CD82: variants seen among roughly 807,000 people sequenced by gnomAD.
The protein encoded by CD82 is CD82 molecule.
CD82 carries 36 observed loss-of-function variants against 37.4 expected under a neutral mutation model. The observed-to-expected ratio is 0.96, with a 90% CI of 0.74 to 1.27. The LOEUF (loss-of-function observed/expected upper bound fraction) is 1.27. Among genes scored for constraint, CD82 ranks in the 50% most tolerant of loss-of-function variants. CD82 has a pLI of 0.00. For synonymous variants in CD82, 158 were observed against 137.4 expected (o/e 1.15, Z -1.05); for missense variants, 340 against 347.0 (o/e 0.98, Z 0.16).
intron 6 of CD82, among the ~76,000 whole-genome samples, chr11:44,610,718 A>G (rs560093823): frequency 2.0e-5 from 3 of 152,202 alleles, no homozygotes; most frequent in Admixed American, 2.0e-4. Flanking sequence ...TCTGAGCCTC[A>G]TTTTTCTCTT....
At chr11:44,601,193 A>G (rs527938271) in intron 4 of CD82, among the ~76,000 whole-genome samples, 2 of 152,242 alleles carry the variant, frequency 1.3e-5, no homozygotes, top group East Asian at 1.9e-4. Context: ...GCAGCTGCCC[A>G]AGGCAGCTGG....
At chr11:44,573,469 C>G (rs1852844462) in intron 1 of CD82, among the ~76,000 whole-genome samples, 1 of 152,114 alleles carries the variant, frequency 6.6e-6, no homozygotes, top group Non-Finnish European at 1.5e-5. Context: ...CCTTGAGTCA[C>G]CTTTGGACAT....
At chr11:44,577,979 A>G (rs1852922894) in intron 1 of CD82, among the ~76,000 whole-genome samples, 1 of 151,820 alleles carries the variant, frequency 6.6e-6, no homozygotes, top group Non-Finnish European at 1.5e-5. Flanking sequence ...CCAACTTGTG[A>G]CCCTCCCTGG....
chr11:44,617,347 T>C (rs981540149), intron 7 of CD82, among the ~76,000 whole-genome samples: 2 of 152,062 alleles, frequency 1.3e-5, no homozygotes, highest in South Asian at 4.2e-4. Flanking sequence ...TCACTTGAGG[T>C]CAGGAGGTCA....
chr11:44,596,369 G>T (rs920189660), intron 3 of CD82, among the ~76,000 whole-genome samples: 2 of 152,290 alleles, frequency 1.3e-5, no homozygotes, highest in Non-Finnish European at 2.9e-5. Flanking sequence ...ATCCCTGGGG[G>T]CTTTAGGGAC....
In CD82 at chr11:44,619,298, C is replaced by A. The variant is rs1590355322; in HGVS notation, c.*172C>A. Reference sequence around the variant, plus strand: ...CTAGCGATCTCTCCTGGCCTATCCGCTGCCAGCCTTGAGCCCTGGCTGTTC... The same window carrying A: ...CTAGCGATCTCTCCTGGCCTATCCGATGCCAGCCTTGAGCCCTGGCTGTTC... On this transcript the variant is annotated 3_prime_UTR_variant, in exon 10 of 10. Coordinates refer to ENST00000227155, the MANE Select transcript of CD82 (RefSeq NM_002231.4). 3.3e-6 allele frequency: 2 copies of A among 602,072 alleles called. No individual in the cohort carries two copies. Among genetic ancestry groups the A allele is most frequent in the Non-Finnish European group, 6.0e-6 (2 of 335,288 alleles). The allele number at this position is 602,072 out of a possible 1,614,324, so 37.3% of individuals were successfully genotyped here.
chr11:44,617,660 C>T (rs1853585281), intron 7 of CD82, among the ~76,000 whole-genome samples: 1 of 151,702 alleles, frequency 6.6e-6, no homozygotes, highest in Non-Finnish European at 1.5e-5. Context: ...CAAATCTCAA[C>T]TCCTGCACTA....
intron 1 of CD82, among the ~76,000 whole-genome samples, chr11:44,572,208 G>A (rs1852823552): frequency 6.6e-6 from 1 of 152,206 alleles, no homozygotes; most frequent in African/African-American, 2.4e-5. Context: ...TGCAGAGACT[G>A]AATGGCAGAG....
chr11:44,615,460 A>T, intron 7 of CD82, 87 bp downstream of exon 7: 1 of 812,324 alleles, frequency 1.2e-6, no homozygotes, highest in Non-Finnish European at 2.1e-6. Flanking sequence ...TGGGACTGGC[A>T]TCTGCAGTGC....
At position 44,619,746 on chromosome 11, in the gene CD82, A is replaced by T. The variant is rs1490545615; in HGVS notation, c.*620A>T. On this transcript the variant is annotated 3_prime_UTR_variant, in exon 10 of 10. Coordinates refer to ENST00000227155, the MANE Select transcript of CD82 (RefSeq NM_002231.4). ...GCTACTGCACTCCAGCCTGGGGGAC[A>T]GAAAGAGACTCCGTCTCAAAAAAAA... 1 of 142,258 alleles carries T rather than the reference A, an allele frequency of 7.0e-6. No individual in the cohort carries two copies. Among genetic ancestry groups the T allele is most frequent in the African/African-American group, 2.7e-5 (1 of 37,094 alleles). 8.8% of individuals were successfully genotyped at this position (142,258 alleles called of 1,614,324 possible).
rs1852932286 is a variant in CD82, at chr11:44,578,473, AC to A, written c.-102-8996del. Reference sequence around the variant, plus strand: ...CTCACCTCTGTCTGTACATCTATACACCCCCCTTCCAGCTCCATGTGGCCCA... The same window carrying A: ...CTCACCTCTGTCTGTACATCTATACACCCCCTTCCAGCTCCATGTGGCCCA... On this transcript the variant is annotated intron_variant, in intron 1 of 9. Coordinates refer to ENST00000227155, the MANE Select transcript of CD82 (RefSeq NM_002231.4). 2.0e-5 allele frequency among the ~76,000 whole-genome samples: 3 copies of A among 151,040 alleles called. No homozygotes were observed. The South Asian group carries it at 6.3e-4, about 32-fold the overall frequency.
In CD82 at chr11:44,618,666, G is replaced by C. The variant is rs1853606594; in HGVS notation, c.669G>C (p.Trp223Cys). The C allele has an allele frequency of 6.2e-7, 1 of 1,612,788 alleles. No homozygotes were observed. The highest frequency in any genetic ancestry group is 1.3e-5 in the African/African-American group (1 of 74,916). ...GCTGCATGGAGAAGGTGCAGGCGTGGCTGCAGGAGAACCTGGGCATCATCC... is the reference window on the plus strand; with the variant it reads ...GCTGCATGGAGAAGGTGCAGGCGTGCCTGCAGGAGAACCTGGGCATCATCC... Reference protein sequence around the residue: ...QEGCMEKVQAWLQENLGIILG... With the variant: ...QEGCMEKVQACLQENLGIILG... Residue 223 changes from tryptophan (W) to cysteine (C), a missense_variant, in exon 9 of 10, where the codon TGG (tryptophan) becomes TGC (cysteine). Transcript: ENST00000227155.
chr11:44,607,273 T>G (rs746256793), intron 6 of CD82, among the ~76,000 whole-genome samples: 2 of 152,244 alleles, frequency 1.3e-5, no homozygotes, highest in Non-Finnish European at 2.9e-5. Flanking sequence ...AGGGCTAACT[T>G]GGGCACTGAG....
intron 2 of CD82, among the ~76,000 whole-genome samples, chr11:44,591,479 C>T (rs1227578401): frequency 2.0e-5 from 3 of 152,236 alleles, no homozygotes; most frequent in Non-Finnish European, 4.4e-5. Context: ...TCCTTGCCCT[C>T]TGAGCAGAGC....
chr11:44,578,552 G>A (rs1183789870), intron 1 of CD82, among the ~76,000 whole-genome samples: 2 of 152,040 alleles, frequency 1.3e-5, no homozygotes, highest in African/African-American at 4.8e-5. Flanking sequence ...TGTGTGTTTT[G>A]CTACTCAAAC....
intron 6 of CD82, among the ~76,000 whole-genome samples, chr11:44,610,850 T>A (rs538874277): frequency 1.3e-5 from 2 of 152,298 alleles, no homozygotes; most frequent in African/African-American, 4.8e-5. Flanking sequence ...TTCTTTTCTT[T>A]TTGAGATAGA....
rs144854163 is a variant in CD82, at chr11:44,596,935, G to A, written c.63+2210G>A. 9.5e-3 allele frequency: 4,312 copies of A among 456,190 alleles called. 42 individuals are homozygous for A. The highest frequency in any genetic ancestry group is 0.027 in the Middle Eastern group (83 of 3,072). 28.3% of individuals were successfully genotyped at this position (456,190 alleles called of 1,614,324 possible). On this transcript the variant is annotated intron_variant, in intron 3 of 9. Transcript: ENST00000227155. ...GGTACTAGGAACAGATAGGCTCTTC[G>A]GAAAGCAGATGAGGCTCTTGGCCTG... is the stretch of plus-strand genomic sequence containing the variant.
intron 1 of CD82, among the ~76,000 whole-genome samples, chr11:44,575,490 G>A (rs1376017052): frequency 6.6e-6 from 1 of 152,208 alleles, no homozygotes; most frequent in Non-Finnish European, 1.5e-5. Context: ...GCTTATGAAA[G>A]CACAGATTGC....
intron 1 of CD82, among the ~76,000 whole-genome samples, chr11:44,583,509 C>T (rs910009918): frequency 6.6e-6 from 1 of 152,144 alleles, no homozygotes; most frequent in African/African-American, 2.4e-5. Context: ...AGTCAGGCCT[C>T]AGGGATCTGG....
Sources: gnomAD v4.1 joint callset for allele counts (sites outside exome capture counted in the v4.1 genomes callset) on GRCh38, gnomAD v4.1.1 for gene constraint, MANE v1.5 for transcripts, NCBI Gene and HGNC (gene_info 2026-07-23, HGNC 2026-07-21) for gene names.